TTC7B: variants seen among roughly 807,000 people sequenced by gnomAD.
TTC7B encodes the protein tetratricopeptide repeat protein 7B.
A neutral mutation model predicts 106.8 loss-of-function variants in TTC7B; 28 were observed. The ratio of observed to expected loss-of-function variants is 0.26; its 90% CI spans 0.19 to 0.36. The LOEUF (loss-of-function observed/expected upper bound fraction) is 0.36, where lower values mean the gene tolerates loss of function less well. Ranked by LOEUF, TTC7B falls within the 10% of genes least tolerant of loss-of-function variation. The pLI is 1.00. For missense variants in TTC7B, 862 were observed against 1,076.4 expected, an observed-to-expected ratio of 0.80 and a Z score of 2.79; for synonymous variants, 405 against 430.6, an observed-to-expected ratio of 0.94 and a Z score of 0.74.
intron 7 of TTC7B, among the ~76,000 whole-genome samples, chr14:90,684,597 A>G (rs1887184068): frequency 6.6e-6 from 1 of 152,226 alleles, no homozygotes; most frequent in African/African-American, 2.4e-5. Context: ...GTTCAAATAT[A>G]AAGTTAGACA....
At position 90,658,325 on chromosome 14, in the gene TTC7B, C is replaced by G; in HGVS notation, c.1215G>C (p.Leu405=). Reference sequence around the variant, plus strand: ...TCACTTTTCCAGCAGCCATCAGGGACAGAGCAAACTGGTACCACAGGTGGA... The same window carrying G: ...TCACTTTTCCAGCAGCCATCAGGGAGAGAGCAAACTGGTACCACAGGTGGA... ...EEFHLWYQFA[L]SLMAAGKSAR... Residue 405 remains leucine, a synonymous_variant, in exon 10 of 20, where the codon CTG becomes CTC. Coordinates refer to ENST00000328459, the MANE Select transcript of TTC7B (RefSeq NM_001010854.2). 6.2e-7 allele frequency: 1 copy of G among 1,613,982 alleles called. No homozygotes were observed. The highest frequency in any genetic ancestry group is 8.5e-7 in the Non-Finnish European group (1 of 1,179,894).
rs1889261346 is a variant in TTC7B, at chr14:90,530,627, GA to G, written c.*10740del. ...CAGAGGCAGAGAAGGAGGAGTCACA[GA>G]GATCGCTCTACAGCAGAGGTCGGAG... On this transcript the variant is annotated 3_prime_UTR_variant, in exon 20 of 20. Transcript: ENST00000328459. 6.6e-6 allele frequency: 1 copy of G among 152,284 alleles called. No individual in the cohort carries two copies. Among genetic ancestry groups the G allele is most frequent in the South Asian group, 2.1e-4 (1 of 4,828 alleles). The allele number at this position is 152,284 out of a possible 1,614,324, so 9.4% of individuals were successfully genotyped here.
At chr14:90,639,271 C>A (rs1462130250) in intron 15 of TTC7B, among the ~76,000 whole-genome samples, 1 of 152,128 alleles carries the variant, frequency 6.6e-6, no homozygotes, top group Admixed American at 6.6e-5. Flanking sequence ...AAAACAAAAT[C>A]ACAGCTTGGG....
At chr14:90,560,080 C>G (rs954411646) in intron 19 of TTC7B, among the ~76,000 whole-genome samples, 2 of 152,220 alleles carry the variant, frequency 1.3e-5, no homozygotes, top group African/African-American at 4.8e-5. Context: ...CATTTGGCAC[C>G]GTTCTTCTCT....
chr14:90,731,112 AT>A lies in TTC7B; in HGVS notation c.577-917del, dbSNP rs143811999. 4.5e-3 allele frequency among the ~76,000 whole-genome samples: 660 copies of A among 147,444 alleles called. 6 individuals carry two copies. Among genetic ancestry groups the A allele is most frequent in the African/African-American group, 0.015 (605 of 40,382 alleles). On this transcript the variant is annotated intron_variant, in intron 4 of 19. Coordinates refer to ENST00000328459, the MANE Select transcript of TTC7B (RefSeq NM_001010854.2). ...AGGTGCCCACCACCACACTTAGCTA[AT>A]TTTTTTTTTTGTATTTTTAGTAGAG...
At chr14:90,602,357 G>C (rs1595195610) in intron 17 of TTC7B, among the ~76,000 whole-genome samples, 1 of 152,232 alleles carries the variant, frequency 6.6e-6, no homozygotes, top group Admixed American at 6.5e-5. Context: ...AGTGGTCTAA[G>C]AAACATCCTT....
intron 9 of TTC7B, 105 bp downstream of exon 9, chr14:90,676,418 C>T: frequency 1.5e-6 from 2 of 1,355,530 alleles, no homozygotes; most frequent in South Asian, 1.4e-5. Context: ...CACATGGCTG[C>T]CACTAATAGA....
intron 19 of TTC7B, among the ~76,000 whole-genome samples, chr14:90,565,199 G>C (rs1053839314): frequency 2.0e-5 from 3 of 152,150 alleles, no homozygotes; most frequent in African/African-American, 7.2e-5. Flanking sequence ...CTTCTATCCA[G>C]ACCACTCAAA....
chr14:90,570,975 C>T lies in TTC7B; in HGVS notation c.2310+7131G>A, dbSNP rs1423396237. On this transcript the variant is annotated intron_variant, in intron 19 of 19. Transcript: ENST00000328459. This position sits in a 1 kb window ranked among gnomAD's most constrained non-coding sequence, Gnocchi z 4.0. ...AGCACCGTGCTCCCGATCTTTCCAC[C>T]GCCTGTCACTGAAGCTCTGGGTTCC... Among the ~76,000 whole-genome samples, 1 of 152,176 alleles carries T rather than the reference C, an allele frequency of 6.6e-6. No individual in the cohort carries two copies. Among genetic ancestry groups the T allele is most frequent in the Admixed American group, 6.5e-5 (1 of 15,282 alleles).
chr14:90,806,272 A>C lies in TTC7B; in HGVS notation c.121+9903T>G, dbSNP rs920266654. On this transcript the variant is annotated intron_variant, in intron 1 of 19. Transcript: ENST00000328459. ...AAAGCACTGAATGAACGGCTGGAGGAGGAGGACTGTGGAGTCTGGCAGCCG... is the reference window on the plus strand; with the variant it reads ...AAAGCACTGAATGAACGGCTGGAGGCGGAGGACTGTGGAGTCTGGCAGCCG... Among the ~76,000 whole-genome samples the C allele has an allele frequency of 5.3e-5, 8 of 152,348 alleles. No homozygotes were observed. The South Asian group carries it at 1.5e-3, about 28-fold the overall frequency.
intron 19 of TTC7B, among the ~76,000 whole-genome samples, chr14:90,566,963 C>T (rs535867743): frequency 5.3e-5 from 8 of 151,898 alleles, no homozygotes; most frequent in East Asian, 1.9e-4. Flanking sequence ...TTGCACCAAA[C>T]GCTCTGGGTG....
intron 15 of TTC7B, among the ~76,000 whole-genome samples, chr14:90,622,946 C>G (rs530701257): frequency 2.6e-5 from 4 of 152,108 alleles, no homozygotes; most frequent in African/African-American, 4.8e-5. Flanking sequence ...CCTACGCCCC[C>G]ACTCGAGCCG....
chr14:90,658,063 G>C (rs1886023192), intron 10 of TTC7B: 1 of 524,544 alleles, frequency 1.9e-6, no homozygotes, highest in Non-Finnish European at 3.5e-6. Flanking sequence ...CATGACACCT[G>C]ATGAAGTCAC....
At chr14:90,615,181 T>C (rs542640789) in intron 16 of TTC7B, among the ~76,000 whole-genome samples, 1 of 152,334 alleles carries the variant, frequency 6.6e-6, no homozygotes, top group African/African-American at 2.4e-5. Flanking sequence ...CAGTGTAATT[T>C]TTTTCCCCCT....
intron 5 of TTC7B, among the ~76,000 whole-genome samples, chr14:90,725,312 A>G (rs1214419238): frequency 1.3e-5 from 2 of 152,100 alleles, no homozygotes; most frequent in Non-Finnish European, 2.9e-5. Flanking sequence ...TCACCTCCCC[A>G]CAATCACATG....
chr14:90,683,676 G>T (rs539234466), intron 7 of TTC7B, among the ~76,000 whole-genome samples: 1 of 152,104 alleles, frequency 6.6e-6, no homozygotes, highest in Non-Finnish European at 1.5e-5. Context: ...CCCAGTGCAG[G>T]TCCACTGGGC....
At chr14:90,669,230 C>T (rs1886538162) in intron 9 of TTC7B, among the ~76,000 whole-genome samples, 1 of 151,932 alleles carries the variant, frequency 6.6e-6, no homozygotes, top group Non-Finnish European at 1.5e-5. Context: ...ACAAACAGCT[C>T]AAATATAAGA....
At chr14:90,762,413 A>G (rs1032246787) in intron 3 of TTC7B, among the ~76,000 whole-genome samples, 1 of 152,234 alleles carries the variant, frequency 6.6e-6, no homozygotes, top group Non-Finnish European at 1.5e-5. Context: ...GCCCAAATCC[A>G]ACTAACCCCC....
chr14:90,539,745 TC>T lies in TTC7B; in HGVS notation c.*1622del, dbSNP rs370492965. The T allele has an allele frequency of 2.6e-5, 4 of 152,422 alleles. No individual in the cohort carries two copies. The highest frequency in any genetic ancestry group is 9.6e-5 in the African/African-American group (4 of 41,588). The allele number at this position is 152,422 out of a possible 1,614,324, so 9.4% of individuals were successfully genotyped here. A position where few individuals can be genotyped will look rare whatever the true frequency, so the allele number is the denominator to read the frequency against. On this transcript the variant is annotated 3_prime_UTR_variant, in exon 20 of 20. Transcript: ENST00000328459. ...AGAGACTGCAGATACCTGCTCAGTT[TC>T]TCTCTGGTTCCGGATCTTGCTGTCT...
Sources: gnomAD v4.1 joint callset for allele counts (sites outside exome capture counted in the v4.1 genomes callset) on GRCh38, gnomAD v4.1.1 for gene constraint, Gnocchi (gnomAD v3.1) non-coding constraint, MANE v1.5 for transcripts, NCBI Gene and HGNC (gene_info 2026-07-23, HGNC 2026-07-21) for gene names.